GULP1: variants seen among roughly 807,000 people sequenced by gnomAD.
GULP1 encodes PTB domain-containing engulfment adapter protein 1.
A neutral mutation model predicts 40.9 loss-of-function variants in GULP1; 19 were observed. That is an observed-to-expected ratio of 0.46 (90% CI 0.32 to 0.68). GULP1 has a LOEUF of 0.68. Among genes scored for constraint, GULP1 ranks in the 30% least tolerant of loss-of-function variants. GULP1 has a pLI of 0.03. For missense variants in GULP1, 312 were observed against 362.2 expected (o/e 0.86, Z 1.12); for synonymous variants, 119 against 117.6 (o/e 1.01, Z -0.08).
chr2:188,486,294 A>G (rs2061855945), intron 4 of GULP1, among the ~76,000 whole-genome samples: 4 of 152,036 alleles, frequency 2.6e-5, no homozygotes, highest in Admixed American at 2.6e-4. Flanking sequence ...GTGGAAAATA[A>G]AGATGTGCTT....
chr2:188,353,161 G>A (rs1213102130), intron 1 of GULP1, among the ~76,000 whole-genome samples: 2 of 152,070 alleles, frequency 1.3e-5, no homozygotes, highest in African/African-American at 4.8e-5. Context: ...TTCTTTATAT[G>A]AATTATTTTA....
At chr2:188,557,714 A>C (rs531179414) in intron 7 of GULP1, among the ~76,000 whole-genome samples, 3 of 152,238 alleles carry the variant, frequency 2.0e-5, no homozygotes, top group Non-Finnish European at 4.4e-5. Flanking sequence ...TTCACTAGGC[A>C]GTCCCCCAAT....
intron 2 of GULP1, among the ~76,000 whole-genome samples, chr2:188,476,307 G>A (rs959878158): frequency 2.6e-5 from 4 of 152,106 alleles, no homozygotes; most frequent in Non-Finnish European, 5.9e-5. Context: ...AATGGGGGAA[G>A]CTATTTCCAG....
intron 1 of GULP1, among the ~76,000 whole-genome samples, chr2:188,333,583 A>T (rs963247326): frequency 3.3e-5 from 5 of 152,148 alleles, no homozygotes; most frequent in Admixed American, 6.5e-5. Flanking sequence ...GCTTAAGGAA[A>T]ATAAAGGATA....
chr2:188,488,238 T>A (rs986255148), intron 4 of GULP1, among the ~76,000 whole-genome samples: 1 of 152,172 alleles, frequency 6.6e-6, no homozygotes, highest in Middle Eastern at 3.4e-3. Context: ...TATAGCCATA[T>A]AGTTGCTGCA....
chr2:188,342,625 A>G (rs1422698378), intron 1 of GULP1, among the ~76,000 whole-genome samples: 1 of 152,212 alleles, frequency 6.6e-6, no homozygotes, highest in Non-Finnish European at 1.5e-5. Context: ...ATGAGAGAAT[A>G]CAATACAAAC....
chr2:188,490,593 A>G (rs1367700676), intron 4 of GULP1, among the ~76,000 whole-genome samples: 2 of 152,104 alleles, frequency 1.3e-5, no homozygotes, highest in Non-Finnish European at 2.9e-5. Flanking sequence ...CTAAGCTTCC[A>G]TGAAGTATTG....
chr2:188,557,789 C>A (rs755173687), intron 7 of GULP1, among the ~76,000 whole-genome samples: 4 of 152,208 alleles, frequency 2.6e-5, no homozygotes, highest in Non-Finnish European at 5.9e-5. Flanking sequence ...TTCTTACATT[C>A]TGTGTATCTG....
chr2:188,503,450 A>G (rs1379615435), intron 4 of GULP1, among the ~76,000 whole-genome samples: 1 of 151,790 alleles, frequency 6.6e-6, no homozygotes, highest in African/African-American at 2.4e-5. Flanking sequence ...CTGCCAAACC[A>G]TCAGATCTCA....
intron 7 of GULP1, among the ~76,000 whole-genome samples, chr2:188,565,013 AATT>A (rs1242450471): frequency 1.3e-5 from 2 of 151,940 alleles, no homozygotes; most frequent in African/African-American, 4.8e-5. Flanking sequence ...AAATTATGAA[AATT>A]ATCTCCTACT....
chr2:188,427,643 A>C (rs2056377573), intron 2 of GULP1, among the ~76,000 whole-genome samples: 1 of 152,250 alleles, frequency 6.6e-6, no homozygotes, highest in Non-Finnish European at 1.5e-5. Context: ...ATGTTAAACC[A>C]GCAGGTATAT....
chr2:188,525,408 A>T (rs1685916333), intron 5 of GULP1, among the ~76,000 whole-genome samples: 1 of 152,124 alleles, frequency 6.6e-6, no homozygotes, highest in Admixed American at 6.5e-5. Context: ...CAAAAAAACA[A>T]AAACAACAAC....
chr2:188,440,241 A>T (rs2057794517), intron 2 of GULP1, among the ~76,000 whole-genome samples: 1 of 152,206 alleles, frequency 6.6e-6, no homozygotes, highest in Admixed American at 6.6e-5. Context: ...CATCAGCCTG[A>T]GGGCAGAGAG....
chr2:188,505,577 A>G (rs893034373), intron 4 of GULP1, among the ~76,000 whole-genome samples: 3 of 151,742 alleles, frequency 2.0e-5, no homozygotes, highest in African/African-American at 7.3e-5. Context: ...TGAGGTACTG[A>G]TTTCCTTGTA....
chr2:188,577,381 G>A (rs1425836605), intron 9 of GULP1, among the ~76,000 whole-genome samples: 1 of 151,986 alleles, frequency 6.6e-6, no homozygotes, highest in Non-Finnish European at 1.5e-5. Context: ...GATTGTGAAA[G>A]GTCTTAATTA....
At chr2:188,454,035 C>A (rs2059050078) in intron 2 of GULP1, among the ~76,000 whole-genome samples, 1 of 152,162 alleles carries the variant, frequency 6.6e-6, no homozygotes, top group South Asian at 2.1e-4. Context: ...CTGGCAAGGC[C>A]CCCCTGCTGC....
chr2:188,529,607 C>G (rs1289166354), intron 6 of GULP1, among the ~76,000 whole-genome samples: 1 of 152,082 alleles, frequency 6.6e-6, no homozygotes, highest in African/African-American at 2.4e-5. Flanking sequence ...GAGGCTGAAA[C>G]AAAACACCAC....
intron 4 of GULP1, among the ~76,000 whole-genome samples, chr2:188,517,520 C>T (rs1372855670): frequency 6.6e-6 from 1 of 151,762 alleles, no homozygotes; most frequent in East Asian, 1.9e-4. Flanking sequence ...TTTTTTTTCC[C>T]CCAGTCTTTT....
rs142062273 is a variant in GULP1, at chr2:188,524,292, G to A, written c.162+1465G>A. ...AATCAAATGCTTTCTAAACAATGACGAGTTTACATATATTTTGCAGGATTT... is the reference window on the plus strand; with the variant it reads ...AATCAAATGCTTTCTAAACAATGACAAGTTTACATATATTTTGCAGGATTT... On this transcript the variant is annotated intron_variant, in intron 5 of 11. Coordinates refer to ENST00000409830, the MANE Select transcript of GULP1 (RefSeq NM_016315.4). Among the ~76,000 whole-genome samples, 324 of 152,134 alleles carry A rather than the reference G, an allele frequency of 2.1e-3. 4 individuals carry two copies. The highest frequency in any genetic ancestry group is 6.5e-3 in the African/African-American group (272 of 41,530).
Sources: gnomAD v4.1 joint callset for allele counts (sites outside exome capture counted in the v4.1 genomes callset) on GRCh38, gnomAD v4.1.1 for gene constraint, MANE v1.5 for transcripts, NCBI Gene and HGNC (gene_info 2026-07-23, HGNC 2026-07-21) for gene names.